Variants in ROBO2 observed in about 807,000 individuals in gnomAD.
ROBO2 encodes roundabout guidance receptor 2.
In ROBO2, 53 loss-of-function variants were observed where a neutral mutation model predicts 160.8. That is an observed-to-expected ratio of 0.33 (90% CI 0.26 to 0.41). ROBO2 has a LOEUF of 0.41. Among genes scored for constraint, ROBO2 ranks in the 10% least tolerant of loss-of-function variants. ROBO2 has a pLI of 1.00. For missense variants in ROBO2, 1,577 were observed against 1,722.4 expected (o/e 0.92, Z 1.49); for synonymous variants, 664 against 611.7 (o/e 1.09, Z -1.26).
intron 17 of ROBO2, among the ~76,000 whole-genome samples, chr3:77,589,443 GGC>G (rs1186050061): frequency 6.6e-6 from 1 of 151,984 alleles, no homozygotes; most frequent in African/African-American, 2.4e-5. Flanking sequence ...AGACTGATGA[GGC>G]ATGAATTAAG....
chr3:76,663,185 A>G (rs1284858573), intron 2 of ROBO2, among the ~76,000 whole-genome samples: 1 of 152,200 alleles, frequency 6.6e-6, no homozygotes, highest in Non-Finnish European at 1.5e-5. Context: ...GAGATCAGGG[A>G]TGTCTCCAAG....
chr3:76,271,965 G>T (rs1188267675), intron 2 of ROBO2, among the ~76,000 whole-genome samples: 1 of 151,916 alleles, frequency 6.6e-6, no homozygotes, highest in Admixed American at 6.6e-5. Context: ...CATTCTAGTT[G>T]TCTCTTTTTC....
At chr3:77,073,519 G>A (rs1392922148) in intron 1 of ROBO2, among the ~76,000 whole-genome samples, 2 of 152,152 alleles carry the variant, frequency 1.3e-5, no homozygotes, top group Non-Finnish European at 2.9e-5. Flanking sequence ...TAATTTGAAG[G>A]TAAAGTAAGG....
At chr3:77,488,134 C>T (rs369802417) in intron 4 of ROBO2, among the ~76,000 whole-genome samples, 29 of 152,116 alleles carry the variant, frequency 1.9e-4, no homozygotes, top group Non-Finnish European at 3.1e-4. Context: ...TTTTCCAAAA[C>T]GCCATTTTGG....
At position 77,146,855 on chromosome 3, in the gene ROBO2, C is replaced by A. The variant is rs938257522; in HGVS notation, c.388+48515C>A. On this transcript the variant is annotated intron_variant, in intron 2 of 25. Transcript: ENST00000461745. The stretch of plus-strand genomic sequence containing the variant: ...TGGTGGCACGCGCCTGCAGTCCCAG[C>A]TACTCAGAGATTGAGGCACAAGAAT... Among the ~76,000 whole-genome samples the A allele has an allele frequency of 3.9e-5, 6 of 152,250 alleles. No homozygotes were observed. The South Asian group carries it at 8.3e-4, about 21-fold the overall frequency.
intron 2 of ROBO2, among the ~76,000 whole-genome samples, chr3:76,059,002 G>A (rs2067967237): frequency 6.6e-6 from 1 of 150,710 alleles, no homozygotes; most frequent in African/African-American, 2.4e-5. Flanking sequence ...TGGCTGCATA[G>A]TATTCCATGG....
chr3:76,292,904 G>A (rs1708875112), intron 2 of ROBO2, among the ~76,000 whole-genome samples: 1 of 151,172 alleles, frequency 6.6e-6, no homozygotes, highest in South Asian at 2.1e-4. Context: ...AAGTGACCAT[G>A]CCGATTGTAA....
chr3:77,348,318 C>T (rs984634734), intron 2 of ROBO2, among the ~76,000 whole-genome samples: 57 of 152,216 alleles, frequency 3.7e-4, no homozygotes, highest in African/African-American at 1.3e-3. Flanking sequence ...TTCATCCTCC[C>T]CTTTTTAGAC....
At chr3:76,395,384 A>C (rs2077379829) in intron 2 of ROBO2, among the ~76,000 whole-genome samples, 1 of 150,090 alleles carries the variant, frequency 6.7e-6, no homozygotes. Context: ...GGAAAGATGC[A>C]AAATTGACAC....
At chr3:76,961,690 G>A (rs2079675811) in intron 2 of ROBO2, among the ~76,000 whole-genome samples, 1 of 152,082 alleles carries the variant, frequency 6.6e-6, no homozygotes, top group Non-Finnish European at 1.5e-5. Flanking sequence ...GTAAAAAACA[G>A]AACAAACTAT....
chr3:76,454,148 C>G (rs571769358), intron 2 of ROBO2, among the ~76,000 whole-genome samples: 1 of 152,070 alleles, frequency 6.6e-6, no homozygotes, highest in African/African-American at 2.4e-5. Context: ...TTTGTGAGTA[C>G]TTATTGGATC....
intron 2 of ROBO2, among the ~76,000 whole-genome samples, chr3:76,663,937 G>C (rs1273811339): frequency 1.3e-5 from 2 of 151,916 alleles, no homozygotes; most frequent in Non-Finnish European, 2.9e-5. Flanking sequence ...ATTTAGCTGA[G>C]ACAGGCCTAG....
intron 2 of ROBO2, among the ~76,000 whole-genome samples, chr3:77,314,320 A>G (rs1028364297): frequency 5.9e-5 from 9 of 152,222 alleles, no homozygotes; most frequent in African/African-American, 2.2e-4. Flanking sequence ...CTTAGTCTAC[A>G]TGCTGACTTA....
At chr3:77,533,537 G>A (rs768068977) in intron 6 of ROBO2, among the ~76,000 whole-genome samples, 1 of 152,090 alleles carries the variant, frequency 6.6e-6, no homozygotes, top group Non-Finnish European at 1.5e-5. Flanking sequence ...TGTGGTTGTA[G>A]GACTGAAGTT....
chr3:76,056,820 A>G (rs553454370), intron 2 of ROBO2, among the ~76,000 whole-genome samples: 3 of 152,160 alleles, frequency 2.0e-5, no homozygotes, highest in Non-Finnish European at 4.4e-5. Context: ...GCTAAAGTCT[A>G]CCCTATAATA....
rs576732231 is a variant in ROBO2, at chr3:76,902,312, T to C, written c.110-195702T>C. 2.2e-4 allele frequency among the ~76,000 whole-genome samples: 33 copies of C among 152,174 alleles called. No homozygotes were observed. In the South Asian group the frequency reaches 6.8e-3, roughly 32 times the overall value. On this transcript the variant is annotated intron_variant, in intron 2 of 26. Coordinates refer to the ROBO2 transcript ENST00000487694. ...AAAGGCTATAATACTACATTCTCTG[T>C]TCATATGCACTACTCTGTTTATTTG... is the stretch of plus-strand genomic sequence containing the variant.
In ROBO2 at chr3:77,478,362, A is replaced by C. The variant is rs573841064; in HGVS notation, c.546+791A>C. Among the ~76,000 whole-genome samples, 3 of 152,344 alleles carry C rather than the reference A, an allele frequency of 2.0e-5. No homozygotes were observed. The South Asian group carries it at 6.2e-4, about 32-fold the overall frequency. On this transcript the variant is annotated intron_variant, in intron 3 of 25. Coordinates refer to ENST00000461745, the Ensembl canonical transcript of ROBO2. Reference sequence around the variant, plus strand: ...TTATACATGAATTGATTTAAAAGGAAATTGAATAGATGTAAAATAAAATGG... The same window carrying C: ...TTATACATGAATTGATTTAAAAGGACATTGAATAGATGTAAAATAAAATGG...
At chr3:77,378,216 G>A (rs796753423) in intron 2 of ROBO2, among the ~76,000 whole-genome samples, 11 of 152,238 alleles carry the variant, frequency 7.2e-5, no homozygotes, top group African/African-American at 2.6e-4. Flanking sequence ...AAACTCAATA[G>A]GTAAGTATCG....
At chr3:76,772,357 A>G (rs1176599320) in intron 2 of ROBO2, among the ~76,000 whole-genome samples, 2 of 150,484 alleles carry the variant, frequency 1.3e-5, no homozygotes, top group Admixed American at 6.7e-5. Flanking sequence ...AGAAAAATAT[A>G]TATATAATAC....
Sources: gnomAD v4.1 joint callset for allele counts (sites outside exome capture counted in the v4.1 genomes callset) on GRCh38, gnomAD v4.1.1 for gene constraint, MANE v1.5 for transcripts, NCBI Gene and HGNC (gene_info 2026-07-23, HGNC 2026-07-21) for gene names.